DIS3L2: variants seen among roughly 807,000 people sequenced by gnomAD.
DIS3L2 encodes DIS3-like exonuclease 2.
In DIS3L2, 34 loss-of-function variants were observed where a neutral mutation model predicts 97.5. That is an observed-to-expected ratio of 0.35 (90% CI 0.27 to 0.46). DIS3L2 has a LOEUF of 0.46. DIS3L2 is among the 20% of genes least tolerant of loss of function. The pLI is 1.00. For synonymous variants in DIS3L2, 435 were observed against 445.2 expected (o/e 0.98, Z 0.29); for missense variants, 1,038 against 1,146.0 (o/e 0.91, Z 1.36).
At position 232,128,839 on chromosome 2, in the gene DIS3L2, T is replaced by G. The variant is rs148365883; in HGVS notation, c.602-1780T>G. On this transcript the variant is annotated intron_variant, in intron 6 of 20. Coordinates refer to ENST00000325385, the MANE Select transcript of DIS3L2 (RefSeq NM_152383.5). ...CACCTTTTCAACCTGGCATTGTGTT[T>G]CTTTATATCCATTGACTGTTATCTG... Among the ~76,000 whole-genome samples, 431 of 152,312 alleles carry G rather than the reference T, an allele frequency of 2.8e-3. 1 individual carries two copies. Among genetic ancestry groups the G allele is most frequent in the Non-Finnish European group, 4.7e-3 (319 of 68,022 alleles).
intron 1 of DIS3L2, among the ~76,000 whole-genome samples, chr2:231,993,062 T>G (rs911207513): frequency 6.6e-6 from 1 of 152,160 alleles, no homozygotes; most frequent in Non-Finnish European, 1.5e-5. Context: ...AGCCCAGATG[T>G]TCTTCAGAGC....
chr2:232,338,351 G>A (rs2678511), downstream of DIS3L2, among the ~76,000 whole-genome samples: 359 of 130,590 alleles, frequency 2.7e-3, no homozygotes, highest in East Asian at 0.021. Context: ...AGGCCCCAGT[G>A]AGGAGTAGCC....
chr2:232,013,011 A>G (rs1031030942), intron 1 of DIS3L2, among the ~76,000 whole-genome samples: 1 of 152,098 alleles, frequency 6.6e-6, no homozygotes, highest in Non-Finnish European at 1.5e-5. Context: ...AGAATTCATC[A>G]TCTTCTCTAA....
At chr2:232,210,265 A>G (rs1027122065) in intron 9 of DIS3L2, 61 bp from the exon 10 acceptor site, 14 of 1,306,990 alleles carry the variant, frequency 1.1e-5, no homozygotes, top group African/African-American at 2.9e-5. Context: ...AAGCTGTACT[A>G]TGGTGGGGTA....
chr2:232,077,953 TTCTC>T (rs370262610), intron 5 of DIS3L2, among the ~76,000 whole-genome samples: 8 of 137,312 alleles, frequency 5.8e-5, no homozygotes, highest in South Asian at 5.1e-4. Flanking sequence ...TTTTCTTTCT[TTCTC>T]TTTCTTTCTT....
At chr2:232,227,485 C>T (rs1372739382) in intron 10 of DIS3L2, among the ~76,000 whole-genome samples, 3 of 152,194 alleles carry the variant, frequency 2.0e-5, no homozygotes, top group Non-Finnish European at 2.9e-5. Context: ...AGTCAATATG[C>T]CGTTATTATG....
At chr2:232,187,485 C>G (rs998088199) in intron 9 of DIS3L2, among the ~76,000 whole-genome samples, 3 of 152,156 alleles carry the variant, frequency 2.0e-5, no homozygotes, top group Non-Finnish European at 4.4e-5. Flanking sequence ...GCTCTGTCAT[C>G]AGGCTGGAGT....
intron 5 of DIS3L2, among the ~76,000 whole-genome samples, chr2:232,083,328 C>G (rs1441610895): frequency 2.2e-5 from 3 of 139,210 alleles, no homozygotes; most frequent in Non-Finnish European, 4.7e-5. Flanking sequence ...AGACCTTTCA[C>G]TGTGAGAAAG....
At chr2:232,108,659 C>T (rs1327747695) in intron 6 of DIS3L2, among the ~76,000 whole-genome samples, 2 of 152,178 alleles carry the variant, frequency 1.3e-5, no homozygotes, top group Admixed American at 6.5e-5. Context: ...TAGAAAACCT[C>T]ATAGTGTCAG....
At chr2:232,016,309 G>T (rs906827251) in intron 3 of DIS3L2, among the ~76,000 whole-genome samples, 1 of 152,230 alleles carries the variant, frequency 6.6e-6, no homozygotes, top group African/African-American at 2.4e-5. Flanking sequence ...TAAGTGTGCA[G>T]CATGGGTGCC....
At chr2:232,329,785 T>TCCCAGGGCCCCCCC in intron 14 of DIS3L2, 28 bp from the exon 15 acceptor site, 2 of 967,144 alleles carry the variant, frequency 2.1e-6, no homozygotes, top group Non-Finnish European at 2.9e-6. Flanking sequence ...ACCCCAGCGG[T>TCCCAGGGCCCCCCC]CCCTCCCATC....
At chr2:232,341,046 C>A (rs866333588), downstream of DIS3L2, 1 of 411,110 alleles carries the variant, frequency 2.4e-6, no homozygotes, top group Middle Eastern at 4.2e-4. Context: ...AACAAGGGCC[C>A]TTGGAGGCAC....
chr2:232,096,553 G>A (rs541504098), intron 6 of DIS3L2, among the ~76,000 whole-genome samples: 1 of 152,016 alleles, frequency 6.6e-6, no homozygotes, highest in African/African-American at 2.4e-5. Flanking sequence ...CCAATAACTC[G>A]TAGGTTTGTC....
intron 6 of DIS3L2, among the ~76,000 whole-genome samples, chr2:232,128,049 C>G (rs1212675173): frequency 6.6e-6 from 1 of 152,146 alleles, no homozygotes; most frequent in Non-Finnish European, 1.5e-5. Context: ...TTCCTGGGCT[C>G]AAGTGATCCT....
intron 14 of DIS3L2, among the ~76,000 whole-genome samples, chr2:232,323,884 C>T (rs895962454): frequency 1.3e-5 from 2 of 152,020 alleles, no homozygotes; most frequent in South Asian, 4.1e-4. Context: ...GCTCTGCCTG[C>T]GGCTCCCTTT....
intron 6 of DIS3L2, among the ~76,000 whole-genome samples, chr2:232,094,199 T>G (rs1696930165): frequency 6.6e-6 from 1 of 152,180 alleles, no homozygotes; most frequent in Non-Finnish European, 1.5e-5. Context: ...ACTATTTCAG[T>G]TTTTTTGAGT....
intron 8 of DIS3L2, among the ~76,000 whole-genome samples, chr2:232,159,198 A>G (rs998398275): frequency 2.6e-5 from 4 of 152,314 alleles, no homozygotes; most frequent in African/African-American, 9.6e-5. Flanking sequence ...AAGGGATGTG[A>G]ACTAAGGCAG....
intron 11 of DIS3L2, among the ~76,000 whole-genome samples, chr2:232,239,418 G>T (rs1693019652): frequency 6.6e-6 from 1 of 152,172 alleles, no homozygotes; most frequent in South Asian, 2.1e-4. Flanking sequence ...AGTAAGTTCT[G>T]CCCTCCACAC....
intron 13 of DIS3L2, among the ~76,000 whole-genome samples, chr2:232,289,676 C>T (rs73995207): frequency 0.015 from 2,057 of 138,806 alleles, 43 homozygotes; most frequent in African/African-American, 0.051. Flanking sequence ...GAGCCAAGCT[C>T]ATATGATCTA....
Sources: gnomAD v4.1 joint callset for allele counts (sites outside exome capture counted in the v4.1 genomes callset) on GRCh38, gnomAD v4.1.1 for gene constraint, MANE v1.5 for transcripts, NCBI Gene and HGNC (gene_info 2026-07-23, HGNC 2026-07-21) for gene names.